TRPV4: variants seen among roughly 807,000 people sequenced by gnomAD.
TRPV4 encodes the protein OSM9-like transient receptor potential channel 4.
In TRPV4, 58 loss-of-function variants were observed where a neutral mutation model predicts 84.1. That is an observed-to-expected ratio of 0.69 (90% CI 0.56 to 0.86). The LOEUF is 0.86. TRPV4 is among the 40% of genes least tolerant of loss of function. The pLI is 0.00. For synonymous variants in TRPV4, 489 were observed against 500.9 expected (o/e 0.98, Z 0.32); for missense variants, 879 against 1,181.1 (o/e 0.74, Z 3.75).
intron 2 of TRPV4, among the ~76,000 whole-genome samples, chr12:109,812,076 G>A (rs1891554755): frequency 2.0e-5 from 3 of 152,196 alleles, no homozygotes; most frequent in African/African-American, 4.8e-5. Context: ...GACCAGGAGG[G>A]AGGGCTCAAC....
chr12:109,822,610 C>T (rs1656542537), intron 1 of TRPV4, among the ~76,000 whole-genome samples: 1 of 152,178 alleles, frequency 6.6e-6, no homozygotes, highest in South Asian at 2.1e-4. Flanking sequence ...GGACCTGCGC[C>T]TTTGATGGAC....
chr12:109,829,233 C>T (rs1472632187), intron 1 of TRPV4, among the ~76,000 whole-genome samples: 1 of 151,546 alleles, frequency 6.6e-6, no homozygotes, highest in East Asian at 1.9e-4. Context: ...TTAAACTAAA[C>T]ACTCAAGGTT....
At chr12:109,792,000 G>A in intron 12 of TRPV4, among the ~76,000 whole-genome samples, 1 of 151,538 alleles carries the variant, frequency 6.6e-6, no homozygotes, top group South Asian at 2.1e-4. Context: ...GGAGGCCAAG[G>A]AGGGTGGATC....
In TRPV4 at chr12:109,788,736, GCACT is replaced by G; in HGVS notation, c.1892-24_1892-21del. On this transcript the variant is annotated intron_variant, in intron 12 of 15. Transcript: ENST00000261740. ...CCAGGGCTGTGGGAGGATAGGGGTG[GCACT>G]CACTGAGTGTGAGCACACCCACAGA... 2 of 1,613,436 alleles carry G rather than the reference GCACT, an allele frequency of 1.2e-6. No individual in the cohort carries two copies. The highest frequency in any genetic ancestry group is 1.1e-5 in the South Asian group (1 of 91,072).
chr12:109,800,845 A>C, intron 4 of TRPV4, 87 bp from the exon 5 acceptor site: 3 of 541,616 alleles, frequency 5.5e-6, no homozygotes, highest in Non-Finnish European at 3.1e-6. Context: ...TGCAGGACGT[A>C]GAAATTGGGG....
chr12:109,827,267 G>C (rs903491280), intron 1 of TRPV4, among the ~76,000 whole-genome samples: 7 of 152,080 alleles, frequency 4.6e-5, no homozygotes, highest in Non-Finnish European at 7.4e-5. Context: ...AGAAATTGAG[G>C]CTCAACAAGA....
Position 109,796,777 on chromosome 12 carries a change from T to C in TRPV4, c.1153-73A>G. 1 of 1,488,358 alleles carries C rather than the reference T, an allele frequency of 6.7e-7. No individual in the cohort carries two copies. Among genetic ancestry groups the C allele is most frequent in the Non-Finnish European group, 9.0e-7 (1 of 1,106,622 alleles). The allele number at this position is 1,488,358 out of a possible 1,614,324, so 92.2% of individuals were successfully genotyped here. A position where few individuals can be genotyped will look rare whatever the true frequency, so the allele number is the denominator to read the frequency against. On this transcript the variant is annotated intron_variant, in intron 6 of 15. Coordinates refer to ENST00000261740, the MANE Select transcript of TRPV4 (RefSeq NM_021625.5). This position sits in a 1 kb window ranked among gnomAD's most constrained non-coding sequence, Gnocchi z 4.2. ...CCAGGGCTGGGCCCAGCTCAGCACATGACGCCTCCCCAGAAAACAGCTAAG... is the reference window on the plus strand; with the variant it reads ...CCAGGGCTGGGCCCAGCTCAGCACACGACGCCTCCCCAGAAAACAGCTAAG...
At chr12:109,784,235 C>T (rs2136416356) in intron 15 of TRPV4, 81 bp downstream of exon 15, 8 of 1,599,678 alleles carry the variant, frequency 5.0e-6, no homozygotes, top group South Asian at 4.4e-5. Context: ...CACTGAGTCC[C>T]GGAAAGAAGC....
At chr12:109,800,313 C>T (rs1469758975) in intron 5 of TRPV4, among the ~76,000 whole-genome samples, 1 of 152,204 alleles carries the variant, frequency 6.6e-6, no homozygotes, top group Admixed American at 6.5e-5. Context: ...CTCCTGCCCT[C>T]AAGCGATCCT....
At position 109,783,428 on chromosome 12, in the gene TRPV4, G is replaced by T; in HGVS notation, c.*193C>A. ...TGACTCCATAGGAGCAAGACAGGTG[G>T]CCGGGAGCCCCCACCCCAGGGTGGG... On this transcript the variant is annotated 3_prime_UTR_variant, in exon 16 of 16. Coordinates refer to ENST00000261740, the MANE Select transcript of TRPV4 (RefSeq NM_021625.5). The surrounding 1 kb of genome is among the most constrained non-coding windows in gnomAD (Gnocchi z 4.6). 1.5e-6 allele frequency: 1 copy of T among 671,262 alleles called. No individual in the cohort carries two copies. The highest frequency in any genetic ancestry group is 2.4e-6 in the Non-Finnish European group (1 of 408,856). 41.6% of individuals were successfully genotyped at this position (671,262 alleles called of 1,614,324 possible). A position where few individuals can be genotyped will look rare whatever the true frequency, so the allele number is the denominator to read the frequency against.
In TRPV4 at chr12:109,814,706, A is replaced by G; in HGVS notation, c.91T>C (p.Phe31Leu). The change falls in exon 2 of 16, where the codon TTT becomes CTT. Residue 31 changes from phenylalanine to leucine, a missense_variant. Coordinates refer to ENST00000261740, the MANE Select transcript of TRPV4 (RefSeq NM_021625.5). This position sits in a 1 kb window ranked among gnomAD's most constrained non-coding sequence, Gnocchi z 5.4. ...DESGTPGGEA[F>L]PLSSLANLFE... Reference sequence around the variant, plus strand: ...AGATTGGCCAGGGAGGAGAGAGGAAAAGCCTCCCCACCTGGGGTGCCACTC... The same window carrying G: ...AGATTGGCCAGGGAGGAGAGAGGAAGAGCCTCCCCACCTGGGGTGCCACTC... The G allele has an allele frequency of 6.2e-7, 1 of 1,607,688 alleles. No individual in the cohort carries two copies. The highest frequency in any genetic ancestry group is 8.5e-7 in the Non-Finnish European group (1 of 1,177,662).
chr12:109,823,422 G>A lies in TRPV4; in HGVS notation c.-31-8595C>T, dbSNP rs576181042. Among the ~76,000 whole-genome samples the A allele has an allele frequency of 2.6e-4, 40 of 152,330 alleles. 1 individual carries two copies. The highest frequency in any genetic ancestry group is 1.7e-4 in the African/African-American group (7 of 41,582). ...GCAAGCCCTTGGCTGGAGGGAGGCC[G>A]GCTGACAGCACACACAGATGCCCCT... On this transcript the variant is annotated intron_variant, in intron 1 of 15. Transcript: ENST00000261740.
At chr12:109,828,020 C>T (rs1333325645) in intron 1 of TRPV4, among the ~76,000 whole-genome samples, 1 of 152,240 alleles carries the variant, frequency 6.6e-6, no homozygotes, top group East Asian at 1.9e-4. Context: ...GCCACTCCAC[C>T]CTCAGGGGAA....
At chr12:109,792,215 C>T (rs1467648450) in intron 12 of TRPV4, 148 bp downstream of exon 12, 3 of 702,474 alleles carry the variant, frequency 4.3e-6, no homozygotes, top group Non-Finnish European at 4.8e-6. Flanking sequence ...TGCACTCCAG[C>T]CCGGGCAACA....
At chr12:109,829,593 A>C (rs1225056803) in intron 1 of TRPV4, among the ~76,000 whole-genome samples, 1 of 152,196 alleles carries the variant, frequency 6.6e-6, no homozygotes, top group Non-Finnish European at 1.5e-5. Flanking sequence ...CATGCCCTGG[A>C]ATGGGCCTGG....
rs781229110 is a variant in TRPV4 at position 109,798,760 on chromosome 12, G to C, written c.1006C>G (p.Arg336Gly). ...TTGGTAACAAACTTGGTGTTCTCAC[G>C]GGTGTTGTCAGCAATGGCCACCAGC... Reference protein sequence around the residue: ...HALVAIADNTRENTKFVTKMY... With the variant: ...HALVAIADNTGENTKFVTKMY... Residue 336 changes from arginine to glycine, a missense_variant, in exon 6 of 16, where the codon CGT becomes GGT. Transcript: ENST00000261740. The surrounding 1 kb of genome is among the most constrained non-coding windows in gnomAD (Gnocchi z 5.0). The C allele has an allele frequency of 6.2e-7, 1 of 1,614,120 alleles. No homozygotes were observed. The highest frequency in any genetic ancestry group is 8.5e-7 in the Non-Finnish European group (1 of 1,180,034).
At chr12:109,828,380 G>C (rs1289901184) in intron 1 of TRPV4, among the ~76,000 whole-genome samples, 2 of 152,208 alleles carry the variant, frequency 1.3e-5, no homozygotes, top group African/African-American at 4.8e-5. Context: ...GAAGGGGCTA[G>C]GGGTGGGAAG....
chr12:109,799,828 A>G (rs759978423), intron 5 of TRPV4, among the ~76,000 whole-genome samples: 13 of 151,900 alleles, frequency 8.6e-5, no homozygotes, highest in Non-Finnish European at 1.9e-4. Context: ...TGGTGCAATC[A>G]TGGCTTACTG....
In TRPV4 at chr12:109,798,763, T is replaced by C; in HGVS notation, c.1003A>G (p.Thr335Ala). 1 of 1,614,014 alleles carries C rather than the reference T, an allele frequency of 6.2e-7. No homozygotes were observed. The highest frequency in any genetic ancestry group is 8.5e-7 in the Non-Finnish European group (1 of 1,180,010). ...GTAACAAACTTGGTGTTCTCACGGG[T>C]GTTGTCAGCAATGGCCACCAGCGCA... Reference protein sequence around the residue: ...LHALVAIADNTRENTKFVTKM... With the variant: ...LHALVAIADNARENTKFVTKM... The change falls in exon 6 of 16, where the codon ACC becomes GCC. Residue 335 changes from threonine (T) to alanine (A), a missense_variant. By Grantham distance (58) the Thr-to-Ala change is moderately conservative. Coordinates refer to ENST00000261740, the MANE Select transcript of TRPV4 (RefSeq NM_021625.5). The surrounding 1 kb of genome is among the most constrained non-coding windows in gnomAD (Gnocchi z 5.0).
Sources: gnomAD v4.1 joint callset for allele counts (sites outside exome capture counted in the v4.1 genomes callset) on GRCh38, gnomAD v4.1.1 for gene constraint, Gnocchi (gnomAD v3.1) non-coding constraint, MANE v1.5 for transcripts, NCBI Gene and HGNC (gene_info 2026-07-23, HGNC 2026-07-21) for gene names.